SPAG17: variants seen among roughly 807,000 people sequenced by gnomAD.
SPAG17 encodes the protein sperm-associated antigen 17.
SPAG17 carries 169 observed loss-of-function variants against 273.6 expected under a neutral mutation model. The ratio of observed to expected loss-of-function variants is 0.62; its 90% CI spans 0.55 to 0.70. The LOEUF (loss-of-function observed/expected upper bound fraction) is 0.70. Ranked by LOEUF, SPAG17 falls within the 30% of genes least tolerant of loss-of-function variation. SPAG17 has a pLI of 0.00. For missense variants in SPAG17, 2,557 were observed against 2,627.8 expected (o/e 0.97, Z 0.59); for synonymous variants, 825 against 873.2 (o/e 0.94, Z 0.97).
At chr1:118,175,977 TG>T (rs1301252922) in intron 1 of SPAG17, among the ~76,000 whole-genome samples, 1 of 152,036 alleles carries the variant, frequency 6.6e-6, no homozygotes, top group East Asian at 1.9e-4. Context: ...AAAGTCAAAA[TG>T]GGGGGTGAGT....
In SPAG17 at chr1:118,036,864, A is replaced by G. The variant is rs1649150378; in HGVS notation, c.3339T>C (p.Asn1113=). Residue 1113 remains asparagine, a synonymous_variant, in exon 24 of 49, where the codon AAT becomes AAC. Transcript: ENST00000336338. ...SLETEVSDAK[N]KAFSKFGSFS... ...AAGATCCAAACTTGCTGAAAGCTTT[A>G]TTCTTTGCATCTGATACTTCTAAAA... 1 of 1,556,530 alleles carries G rather than the reference A, an allele frequency of 6.4e-7. No homozygotes were observed. Among genetic ancestry groups the G allele is most frequent in the Non-Finnish European group, 8.7e-7 (1 of 1,148,594 alleles).
intron 23 of SPAG17, among the ~76,000 whole-genome samples, chr1:118,037,278 A>C (rs1423216884): frequency 1.3e-5 from 2 of 152,262 alleles, no homozygotes; most frequent in Non-Finnish European, 2.9e-5. Flanking sequence ...AAACATTTAA[A>C]AGTTTAAAGA....
At chr1:118,042,839 C>T (rs1649928534) in intron 20 of SPAG17, among the ~76,000 whole-genome samples, 1 of 152,158 alleles carries the variant, frequency 6.6e-6, no homozygotes, top group Non-Finnish European at 1.5e-5. Flanking sequence ...TGGAACTACT[C>T]CCACACTGTG....
chr1:118,070,177 C>A (rs1000069325), intron 17 of SPAG17, among the ~76,000 whole-genome samples: 1 of 151,664 alleles, frequency 6.6e-6, no homozygotes, highest in Admixed American at 6.6e-5. Flanking sequence ...ATAAAGGCAC[C>A]GGAATTTTAG....
chr1:118,154,198 G>A (rs1225378382), intron 1 of SPAG17, among the ~76,000 whole-genome samples: 1 of 152,140 alleles, frequency 6.6e-6, no homozygotes, highest in Non-Finnish European at 1.5e-5. Context: ...TAAGAGTCGA[G>A]CTCTGTCCCA....
At position 118,173,507 on chromosome 1, in the gene SPAG17, G is replaced by A. The variant is rs180972557; in HGVS notation, c.87+11564C>T. The stretch of plus-strand genomic sequence containing the variant: ...AGCTGTGGTCAGTGGCATGCTTTTC[G>A]GTACATGAAAGCTTCAGGGCAATGG... On this transcript the variant is annotated intron_variant, in intron 1 of 48. Transcript: ENST00000336338. 3.1e-4 allele frequency among the ~76,000 whole-genome samples: 47 copies of A among 152,168 alleles called. No individual in the cohort carries two copies. In the East Asian group the frequency reaches 7.7e-3, roughly 25 times the overall value.
intron 47 of SPAG17, chr1:117,965,612 C>T (rs1653733349): frequency 6.6e-6 from 1 of 152,152 alleles, no homozygotes; most frequent in African/African-American, 2.4e-5. Context: ...CCCCCACTCC[C>T]AGTTCTTGTC....
intron 12 of SPAG17, among the ~76,000 whole-genome samples, 198 bp downstream of exon 12, chr1:118,086,473 G>A (rs1026752735): frequency 1.3e-5 from 2 of 152,096 alleles, no homozygotes; most frequent in Non-Finnish European, 2.9e-5. Context: ...CAATAATCAG[G>A]CAAATTTCCT....
intron 3 of SPAG17, among the ~76,000 whole-genome samples, chr1:118,136,902 T>C (rs1409050295): frequency 7.9e-5 from 12 of 152,138 alleles, no homozygotes; most frequent in Non-Finnish European, 1.2e-4. Context: ...TGGATGCTTT[T>C]GCATAGGGAA....
chr1:117,982,537 G>A (rs368962417), intron 42 of SPAG17, among the ~76,000 whole-genome samples: 10 of 152,222 alleles, frequency 6.6e-5, no homozygotes, highest in South Asian at 2.1e-4. Flanking sequence ...CACCGTGCCC[G>A]GCCCCCTATC....
chr1:117,954,947 G>A, intron 48 of SPAG17: 1 of 386,010 alleles, frequency 2.6e-6, no homozygotes, highest in Non-Finnish European at 4.6e-6. Flanking sequence ...CAGAAGGAAA[G>A]TTGACAGAAA....
chr1:118,090,226 T>C (rs144248967), intron 10 of SPAG17, among the ~76,000 whole-genome samples: 26 of 152,310 alleles, frequency 1.7e-4, no homozygotes, highest in African/African-American at 5.5e-4. Flanking sequence ...TATGTGCTAC[T>C]AGTATGAATC....
In SPAG17 at chr1:118,029,547, G is replaced by A. The variant is rs971504788; in HGVS notation, c.3610-1153C>T. Among the ~76,000 whole-genome samples the A allele has an allele frequency of 7.2e-5, 11 of 152,090 alleles. 1 individual carries two copies. Among genetic ancestry groups the A allele is most frequent in the African/African-American group, 2.4e-4 (10 of 41,434 alleles). On this transcript the variant is annotated intron_variant, in intron 25 of 48. Transcript: ENST00000336338. ...CATACTGCTTTTGTAGCAAATGAAA[G>A]TAATAAAAATAAAAGACAATTATAA...
At chr1:118,055,982 T>C (rs939010378) in intron 18 of SPAG17, 68 bp from the exon 19 acceptor site, 4 of 1,328,860 alleles carry the variant, frequency 3.0e-6, no homozygotes, top group Non-Finnish European at 3.1e-6. Context: ...GGATATTGAC[T>C]GTGCAAATAA....
intron 7 of SPAG17, among the ~76,000 whole-genome samples, chr1:118,094,638 TA>T (rs1288472079): frequency 6.6e-6 from 1 of 152,204 alleles, no homozygotes; most frequent in Non-Finnish European, 1.5e-5. Flanking sequence ...CTGCTTCTAC[TA>T]GGGGTAGATT....
At chr1:118,038,469 C>T (rs1224577689) in intron 23 of SPAG17, among the ~76,000 whole-genome samples, 1 of 152,088 alleles carries the variant, frequency 6.6e-6, no homozygotes, top group Non-Finnish European at 1.5e-5. Flanking sequence ...AACCTGTACA[C>T]GAATATTTGT....
At chr1:117,963,209 C>T (rs1350750079) in intron 48 of SPAG17, 1 of 151,990 alleles carries the variant, frequency 6.6e-6, no homozygotes, top group East Asian at 1.9e-4. Context: ...TGGGGTCGGA[C>T]CTAGTGACTG....
chr1:118,073,610 TTTC>T (rs1201959515), intron 17 of SPAG17, among the ~76,000 whole-genome samples: 2 of 152,114 alleles, frequency 1.3e-5, no homozygotes, highest in East Asian at 1.9e-4. Flanking sequence ...GTCTTGTATA[TTTC>T]TTTTTTTCTT....
chr1:118,150,241 G>A (rs1659298154), intron 3 of SPAG17, among the ~76,000 whole-genome samples: 1 of 152,116 alleles, frequency 6.6e-6, no homozygotes, highest in African/African-American at 2.4e-5. Context: ...TCATGAGAAA[G>A]TATGACCCAA....
Sources: allele counts gnomAD v4.1 joint callset (sites outside exome capture counted in the v4.1 genomes callset), GRCh38; gene constraint gnomAD v4.1.1; transcripts MANE v1.5; gene names NCBI Gene and HGNC (gene_info 2026-07-23, HGNC 2026-07-21).